Variants in DGKK observed in about 807,000 individuals in gnomAD.
DGKK encodes the protein diacylglycerol kinase kappa.
In DGKK, 35 loss-of-function variants were observed where a neutral mutation model predicts 92.2. That is an observed-to-expected ratio of 0.38 (90% CI 0.29 to 0.50). The LOEUF (loss-of-function observed/expected upper bound fraction) is 0.50, where lower values mean the gene tolerates loss of function less well. DGKK is among the 20% of genes least tolerant of loss of function. DGKK has a pLI of 0.92. For missense variants in DGKK, 910 were observed against 992.2 expected (o/e 0.92, Z 1.11); for synonymous variants, 368 against 360.6 (o/e 1.02, Z -0.23).
intron 1 of DGKK, among the ~76,000 whole-genome samples, chrX:50,428,212 T>G: frequency 9.1e-6 from 1 of 109,846 alleles, no homozygotes; most frequent in East Asian, 2.8e-4. Flanking sequence ...ATTATTATTA[T>G]TATTATTAAC....
At chrX:50,464,679 C>T (rs1250540986) in intron 1 of DGKK, among the ~76,000 whole-genome samples, 1 of 109,537 alleles carries the variant, frequency 9.1e-6, no homozygotes, top group Non-Finnish European at 1.9e-5. Context: ...TTCCTTTTTT[C>T]AATTTTGTTT....
At chrX:50,421,070 T>C (rs1925573922) in intron 3 of DGKK, among the ~76,000 whole-genome samples, 1 of 111,959 alleles carries the variant, frequency 8.9e-6, no homozygotes, top group African/African-American at 3.2e-5. Flanking sequence ...TGTTTCTGTT[T>C]AGTGGGAGAG....
Position 50,368,788 on chromosome X carries a change from G to T in DGKK, c.*152C>A. ...TAAACCTCTAAGGAGACCAGATTAAGTCCAGGAAAATGCATTAGTGAAAAG... is the reference window on the plus strand; with the variant it reads ...TAAACCTCTAAGGAGACCAGATTAATTCCAGGAAAATGCATTAGTGAAAAG... On this transcript the variant is annotated 3_prime_UTR_variant, in exon 28 of 28. Transcript: ENST00000611977. 1 of 466,775 alleles carries T rather than the reference G, an allele frequency of 2.1e-6. No homozygotes were observed. The highest frequency in any genetic ancestry group is 3.6e-6 in the Non-Finnish European group (1 of 279,301). The allele number at this position is 466,775 out of a possible 1,213,427, so 38.5% of individuals were successfully genotyped here.
At chrX:50,406,303 C>T (rs1456128720) in intron 4 of DGKK, among the ~76,000 whole-genome samples, 1 of 112,012 alleles carries the variant, frequency 8.9e-6, no homozygotes, top group African/African-American at 3.3e-5. Context: ...TGTGTACATC[C>T]TATTCTGTAA....
At chrX:50,369,440 T>C (rs1924057256) in intron 27 of DGKK, among the ~76,000 whole-genome samples, 1 of 110,278 alleles carries the variant, frequency 9.1e-6, no homozygotes, top group Non-Finnish European at 1.9e-5. Context: ...TTCTTTTTTT[T>C]CTTTCTTTCC....
chrX:50,368,962 G>A lies in DGKK; in HGVS notation c.3794C>T (p.Thr1265Ile), dbSNP rs782708771. 4.1e-6 allele frequency: 5 copies of A among 1,208,825 alleles called. No homozygotes were observed. The East Asian group carries it at 1.2e-4, about 29-fold the overall frequency. ...GGGCTACAGTTGAGATCTCGATGGT[G>A]TTAGAGGATCATCACCCTCTGCTTC... ...EDEAEGDDPL[T>I]PSRSQL Residue 1265 changes from threonine (T) to isoleucine (I), a missense_variant, in exon 28 of 28, where the codon ACA (threonine) becomes ATA (isoleucine). Transcript: ENST00000611977.
At chrX:50,453,708 G>T (rs1404422171) in intron 1 of DGKK, among the ~76,000 whole-genome samples, 5 of 111,251 alleles carry the variant, frequency 4.5e-5, no homozygotes, top group African/African-American at 9.8e-5. Flanking sequence ...GGGGGAATTA[G>T]CTCCCTTCTC....
chrX:50,414,423 G>A (rs1376201445), intron 4 of DGKK, among the ~76,000 whole-genome samples: 2 of 111,140 alleles, frequency 1.8e-5, no homozygotes, highest in African/African-American at 6.5e-5. Flanking sequence ...ATGCCACCTC[G>A]TATACATATG....
At chrX:50,428,436 G>C (rs1349700098) in intron 1 of DGKK, among the ~76,000 whole-genome samples, 1 of 111,075 alleles carries the variant, frequency 9.0e-6, no homozygotes, top group African/African-American at 3.3e-5. Flanking sequence ...AGAATGTCAA[G>C]GCTAGGGAGC....
At chrX:50,400,135 C>T (rs1557226462) in intron 8 of DGKK, among the ~76,000 whole-genome samples, 1 of 112,056 alleles carries the variant, frequency 8.9e-6, no homozygotes, top group Non-Finnish European at 1.9e-5. Context: ...AAGTGACTAA[C>T]CCAACATCAC....
At position 50,384,655 on chromosome X, in the gene DGKK, T is replaced by C. The variant is rs192000643; in HGVS notation, c.2452+65A>G. On this transcript the variant is annotated intron_variant, in intron 16 of 27. Coordinates refer to ENST00000611977, the MANE Select transcript of DGKK (RefSeq NM_001013742.4). ...AGGATGCATAAAAAATACATATTTATTCTTTGGGAGCTAAACAACAGTGAC... is the reference window on the plus strand; with the variant it reads ...AGGATGCATAAAAAATACATATTTACTCTTTGGGAGCTAAACAACAGTGAC... 2.0e-3 allele frequency: 1,997 copies of C among 1,018,915 alleles called. 3 individuals are homozygous for C. Among genetic ancestry groups the C allele is most frequent in the South Asian group, 2.3e-3 (113 of 48,558 alleles). 84.0% of individuals were successfully genotyped at this position (1,018,915 alleles called of 1,213,427 possible). A position where few individuals can be genotyped will look rare whatever the true frequency, so the allele number is the denominator to read the frequency against.
At chrX:50,390,497 A>T in intron 11 of DGKK, 88 bp from the exon 12 acceptor site, 16 of 780,979 alleles carry the variant, frequency 2.0e-5, no homozygotes, top group East Asian at 3.7e-5. Context: ...AGAAGTAAAA[A>T]TGTTTATGTG....
In DGKK at chrX:50,370,529, G is replaced by A. The variant is rs987595326; in HGVS notation, c.3633C>T (p.Asp1211=). 21 of 1,197,855 alleles carry A rather than the reference G, an allele frequency of 1.8e-5. No homozygotes were observed. The highest frequency in any genetic ancestry group is 2.0e-5 in the Non-Finnish European group (18 of 888,247). The change falls in exon 27 of 28, where the codon GAC becomes GAT. Residue 1211 remains aspartate (D), a synonymous_variant. Coordinates refer to ENST00000611977, the MANE Select transcript of DGKK (RefSeq NM_001013742.4). ...TAATTTTCAGCCTGAGGCTTCTACT[G>A]TCAGTGTCCGAAGATTTTTCCTGAG... ...FVPEEKSSDT[D]SRSLRLKIKF...
intron 7 of DGKK, among the ~76,000 whole-genome samples, chrX:50,402,361 T>C (rs2147128943): frequency 8.9e-6 from 1 of 111,986 alleles, no homozygotes. Flanking sequence ...GAGGCTGCAG[T>C]GAGCTGTGAT....
At chrX:50,393,372 C>A (rs368739728) in intron 8 of DGKK, 37 bp from the exon 9 acceptor site, 4 of 1,116,045 alleles carry the variant, frequency 3.6e-6, no homozygotes, top group Non-Finnish European at 4.9e-6. Context: ...AAAAAAAGAA[C>A]GGACCCGTTG....
chrX:50,425,678 T>C (rs1211470409), intron 1 of DGKK, among the ~76,000 whole-genome samples: 1 of 111,717 alleles, frequency 9.0e-6, no homozygotes, highest in Non-Finnish European at 1.9e-5. Flanking sequence ...ACAATTTACC[T>C]GAGCCCTCTT....
chrX:50,469,223 A>T (rs1926987870), intron 1 of DGKK, among the ~76,000 whole-genome samples: 1 of 111,002 alleles, frequency 9.0e-6, no homozygotes, highest in Admixed American at 9.4e-5. Context: ...CCCAACTCCT[A>T]TTTTCGTGTC....
rs1347813145 is a variant in DGKK at position 50,378,455 on chromosome X, C to A, written c.2976+123G>T. The stretch of plus-strand genomic sequence containing the variant: ...CCTCAGTCAGCACTTTACTGCCCAC[C>A]AGATAACCTGCTCACTCCACCCTGG... On this transcript the variant is annotated intron_variant, in intron 21 of 27. Transcript: ENST00000611977. 4 of 763,623 alleles carry A rather than the reference C, an allele frequency of 5.2e-6. No individual in the cohort carries two copies. The African/African-American group carries it at 8.5e-5, about 16-fold the overall frequency. The allele number at this position is 763,623 out of a possible 1,213,427, so 62.9% of individuals were successfully genotyped here.
chrX:50,457,737 G>T (rs782780398), intron 1 of DGKK, among the ~76,000 whole-genome samples: 1 of 111,635 alleles, frequency 9.0e-6, no homozygotes, highest in Non-Finnish European at 1.9e-5. Context: ...GAACAATTTT[G>T]CTGCTTTAAA....
Sources: gnomAD v4.1 joint callset for allele counts (sites outside exome capture counted in the v4.1 genomes callset) on GRCh38, gnomAD v4.1.1 for gene constraint, MANE v1.5 for transcripts, NCBI Gene and HGNC (gene_info 2026-07-23, HGNC 2026-07-21) for gene names.